Variants in LCMT1 observed in about 807,000 individuals in gnomAD.
LCMT1 encodes [Phosphatase 2A protein]-leucine-carboxy methyltransferase 1.
In LCMT1, 32 loss-of-function variants were observed where a neutral mutation model predicts 47.7. The observed-to-expected ratio is 0.67, with a 90% CI of 0.51 to 0.90. The LOEUF is 0.90. LCMT1 is among the 40% of genes least tolerant of loss of function. The probability of loss-of-function intolerance (pLI) is 0.00; values close to 1 mark genes in which losing one functional copy is unlikely to be tolerated. For synonymous variants in LCMT1, 152 were observed against 149.7 expected, an observed-to-expected ratio of 1.02 and a Z score of -0.11; for missense variants, 375 against 415.2, an observed-to-expected ratio of 0.90 and a Z score of 0.84.
rs1281492024 is a variant in LCMT1 at position 25,169,143 on chromosome 16, T to C, written c.722T>C (p.Met241Thr). Residue 241 changes from methionine to threonine, a missense_variant, in exon 8 of 11, where the codon ATG (methionine) becomes ACG (threonine). By Grantham distance (81) the Met-to-Thr change is moderately conservative. Transcript: ENST00000399069. Reference protein sequence around the residue: ...VNMGDRFGQIMIENLRRRQCD... With the variant: ...VNMGDRFGQITIENLRRRQCD... ...ATGGGTGATCGGTTTGGGCAGATCA[T>C]GATTGAAAACCTGCGGAGACGCCAG... 1 of 1,613,468 alleles carries C rather than the reference T, an allele frequency of 6.2e-7. No individual in the cohort carries two copies. The highest frequency in any genetic ancestry group is 8.5e-7 in the Non-Finnish European group (1 of 1,179,778).
intron 1 of LCMT1, among the ~76,000 whole-genome samples, chr16:25,124,827 T>C (rs1250513918): frequency 1.3e-5 from 2 of 152,240 alleles, no homozygotes; most frequent in Non-Finnish European, 2.9e-5. Context: ...AGTGAGATGA[T>C]TTTAGGTGTT....
intron 5 of LCMT1, among the ~76,000 whole-genome samples, chr16:25,154,988 G>C (rs1158237558): frequency 1.3e-5 from 2 of 152,150 alleles, no homozygotes; most frequent in Non-Finnish European, 2.9e-5. Context: ...ACTGATACGT[G>C]ATCTTAAAAC....
intron 1 of LCMT1, among the ~76,000 whole-genome samples, chr16:25,125,655 A>G (rs1166657217): frequency 6.6e-6 from 1 of 151,910 alleles, no homozygotes; most frequent in East Asian, 1.9e-4. Flanking sequence ...AAGGTGGTGA[A>G]ACCCCGTCTC....
At chr16:25,177,343 C>T (rs1418908381) in intron 10 of LCMT1, among the ~76,000 whole-genome samples, 2 of 152,132 alleles carry the variant, frequency 1.3e-5, no homozygotes, top group Non-Finnish European at 2.9e-5. Flanking sequence ...GTGACTTTTC[C>T]CTTCCCCTCT....
At position 25,177,062 on chromosome 16, in the gene LCMT1, C is replaced by T. The variant is rs1484237448; in HGVS notation, c.983-939C>T. On this transcript the variant is annotated intron_variant, in intron 10 of 10. Transcript: ENST00000399069. ...GGGCGTGGTGGCACATGCCTGTAGTCCCAGCTACTTGGGAGGCTGAGGCAG... is the reference window on the plus strand; with the variant it reads ...GGGCGTGGTGGCACATGCCTGTAGTTCCAGCTACTTGGGAGGCTGAGGCAG... Among the ~76,000 whole-genome samples, 3 of 151,862 alleles carry T rather than the reference C, an allele frequency of 2.0e-5. No individual in the cohort carries two copies. In the East Asian group the frequency reaches 5.8e-4, roughly 30 times the overall value.
intron 5 of LCMT1, among the ~76,000 whole-genome samples, chr16:25,151,860 T>A (rs1238901360): frequency 1.3e-5 from 2 of 151,950 alleles, no homozygotes; most frequent in East Asian, 3.9e-4. Flanking sequence ...CTGCTAGAAG[T>A]CAACAACAGA....
Position 25,111,950 on chromosome 16 carries a change from G to A in LCMT1, c.67G>A (p.Asp23Asn). The A allele has an allele frequency of 6.2e-7, 1 of 1,613,644 alleles. No individual in the cohort carries two copies. ...TTCCACCTCGAGCTGCGACGCAGAC[G>A]ACGAGGGCGTGCGCGGCACCTGCGA... The part of the protein sequence containing the change: ...CCSTSSCDAD[D>N]EGVRGTCEDA... Residue 23 changes from aspartate to asparagine, a missense_variant, in exon 1 of 11, where the codon GAC becomes AAC. Coordinates refer to ENST00000399069, the MANE Select transcript of LCMT1 (RefSeq NM_016309.3).
intron 5 of LCMT1, among the ~76,000 whole-genome samples, chr16:25,156,006 T>C (rs142475950): frequency 6.6e-6 from 1 of 152,346 alleles, no homozygotes; most frequent in Non-Finnish European, 1.5e-5. Flanking sequence ...CCACAGTAAC[T>C]ATGATCTAGC....
intron 9 of LCMT1, among the ~76,000 whole-genome samples, chr16:25,173,625 T>C (rs561879739): frequency 1.4e-4 from 22 of 152,312 alleles, no homozygotes; most frequent in African/African-American, 4.6e-4. Flanking sequence ...ATGGATCCTG[T>C]TTCTTTTTTT....
chr16:25,127,707 A>G (rs1683984213), intron 1 of LCMT1, among the ~76,000 whole-genome samples: 1 of 152,220 alleles, frequency 6.6e-6, no homozygotes, highest in Non-Finnish European at 1.5e-5. Context: ...TAAAAGGGTG[A>G]AGGCACTTAT....
intron 7 of LCMT1, among the ~76,000 whole-genome samples, chr16:25,166,950 C>CT (rs1287941923): frequency 2.0e-5 from 3 of 152,244 alleles, no homozygotes; most frequent in Non-Finnish European, 4.4e-5. Context: ...ATAACCACAT[C>CT]TGGGGAAACA....
intron 4 of LCMT1, chr16:25,140,729 T>A (rs973551354): frequency 3.2e-5 from 5 of 155,260 alleles, no homozygotes; most frequent in African/African-American, 1.2e-4. Context: ...GTTCTCTTGG[T>A]TAATGGGCCA....
chr16:25,118,629 A>G (rs1959873380), intron 1 of LCMT1, among the ~76,000 whole-genome samples: 1 of 151,996 alleles, frequency 6.6e-6, no homozygotes, highest in Non-Finnish European at 1.5e-5. Context: ...GTCATCTGAG[A>G]TGGGGTGGCT....
intron 2 of LCMT1, among the ~76,000 whole-genome samples, chr16:25,130,545 G>A (rs1484222697): frequency 2.0e-5 from 3 of 152,056 alleles, no homozygotes; most frequent in African/African-American, 7.3e-5. Flanking sequence ...CAGCTACTTG[G>A]GAGGCAGAGG....
chr16:25,144,731 C>T (rs907046074), intron 4 of LCMT1: 1 of 152,160 alleles, frequency 6.6e-6, no homozygotes, highest in African/African-American at 2.4e-5. Flanking sequence ...AGATGCTTCA[C>T]TAAACAGCAG....
intron 1 of LCMT1, among the ~76,000 whole-genome samples, chr16:25,120,404 GTTT>G (rs1329088232): frequency 6.7e-6 from 1 of 148,792 alleles, no homozygotes; most frequent in African/African-American, 2.5e-5. Context: ...AAATTCTATG[GTTT>G]TTGATTTCTT....
chr16:25,151,508 A>C, intron 4 of LCMT1, 46 bp from the exon 5 acceptor site: 1 of 1,472,666 alleles, frequency 6.8e-7, no homozygotes, highest in Non-Finnish European at 9.5e-7. Flanking sequence ...GAGTAAATTG[A>C]GGAGCAAATA....
At chr16:25,140,124 C>T in intron 3 of LCMT1, 47 bp from the exon 4 acceptor site, 2 of 1,381,198 alleles carry the variant, frequency 1.4e-6, no homozygotes, top group Admixed American at 1.9e-5. Context: ...AGATGATCAG[C>T]ACATGTAAGA....
intron 3 of LCMT1, among the ~76,000 whole-genome samples, chr16:25,135,688 G>A (rs1960483778): frequency 6.6e-6 from 1 of 152,168 alleles, no homozygotes; most frequent in Non-Finnish European, 1.5e-5. Context: ...AGTCATGGGT[G>A]TGAGCTTATT....
Sources: allele counts gnomAD v4.1 joint callset (sites outside exome capture counted in the v4.1 genomes callset), GRCh38; gene constraint gnomAD v4.1.1; transcripts MANE v1.5; gene names NCBI Gene and HGNC (gene_info 2026-07-23, HGNC 2026-07-21).